ANKS1B: variants seen among roughly 807,000 people sequenced by gnomAD.
ANKS1B encodes ankyrin repeat and sterile alpha motif domain-containing protein 1B.
ANKS1B carries 36 observed loss-of-function variants against 148.3 expected under a neutral mutation model. The ratio of observed to expected loss-of-function variants is 0.24; its 90% confidence interval spans 0.19 to 0.32. The LOEUF is 0.32. ANKS1B is among the 10% of genes least tolerant of loss of function. ANKS1B has a pLI of 1.00. For missense variants in ANKS1B, 1,157 were observed against 1,542.6 expected (o/e 0.75, Z 4.19); for synonymous variants, 542 against 560.8 (o/e 0.97, Z 0.47).
At chr12:99,728,291 A>T (rs1286019775) in intron 8 of ANKS1B, among the ~76,000 whole-genome samples, 1 of 152,140 alleles carries the variant, frequency 6.6e-6, no homozygotes, top group Non-Finnish European at 1.5e-5. Flanking sequence ...AGAAAAAAAA[A>T]TCCCCATCAA....
chr12:99,788,508 C>T (rs2065242994), intron 4 of ANKS1B, among the ~76,000 whole-genome samples: 1 of 152,148 alleles, frequency 6.6e-6, no homozygotes, highest in Non-Finnish European at 1.5e-5. Flanking sequence ...CTGAGAAATG[C>T]TGGCTTCAAG....
chr12:99,874,022 C>CATATATATATATATATATAT lies in ANKS1B; in HGVS notation c.135-48634_135-48633insATATATATATATATATATAT, dbSNP rs150860727. Among the ~76,000 whole-genome samples the CATATATATATATATATATAT allele has an allele frequency of 1.5e-3, 202 of 137,872 alleles. 7 individuals are homozygous for CATATATATATATATATATAT. The highest frequency in any genetic ancestry group is 6.1e-3 in the African/African-American group (193 of 31,506). 90.4% of individuals were successfully genotyped at this position (137,872 alleles called of 152,430 possible). A position where few individuals can be genotyped will look rare whatever the true frequency, so the allele number is the denominator to read the frequency against. ...TAAATCTCTCTCTCTCTCTCTCTCA[C>CATATATATATATATATATAT]ATATATATATATATATATCCTGTTG... is the stretch of plus-strand genomic sequence containing the variant. On this transcript the variant is annotated intron_variant, in intron 1 of 26. Transcript: ENST00000683438.
chr12:99,436,646 C>A (rs2095465537), intron 11 of ANKS1B, among the ~76,000 whole-genome samples: 6 of 151,926 alleles, frequency 3.9e-5, no homozygotes, highest in Admixed American at 3.3e-4. Flanking sequence ...AACCCCAGTT[C>A]TAAACTGTTA....
chr12:99,153,328 G>A (rs2075418270), intron 15 of ANKS1B, among the ~76,000 whole-genome samples: 1 of 152,112 alleles, frequency 6.6e-6, no homozygotes, highest in Non-Finnish European at 1.5e-5. Context: ...TATTTAGGCA[G>A]GGCTATTACT....
At chr12:99,471,289 C>T (rs1511965) in intron 10 of ANKS1B, among the ~76,000 whole-genome samples, 1 of 151,574 alleles carries the variant, frequency 6.6e-6, no homozygotes. Flanking sequence ...TTGTTGTTAA[C>T]AAAATATTGC....
At chr12:99,811,384 TG>T (rs2068348772) in intron 3 of ANKS1B, among the ~76,000 whole-genome samples, 2 of 151,864 alleles carry the variant, frequency 1.3e-5, no homozygotes, top group South Asian at 2.1e-4. Flanking sequence ...GACTGTCTGC[TG>T]GTTTTCAAAT....
At chr12:99,959,336 C>G (rs1171385625) in intron 1 of ANKS1B, among the ~76,000 whole-genome samples, 2 of 151,130 alleles carry the variant, frequency 1.3e-5, no homozygotes, top group Non-Finnish European at 2.9e-5. Flanking sequence ...CTCAGCCTCC[C>G]AAAGTGATGG....
intron 12 of ANKS1B, among the ~76,000 whole-genome samples, chr12:99,348,505 T>C (rs560502934): frequency 2.8e-4 from 43 of 151,966 alleles, no homozygotes; most frequent in Middle Eastern, 3.4e-3. Context: ...AACTGACATA[T>C]TATAATCAAA....
chr12:99,441,969 A>AT (rs1287798454), intron 11 of ANKS1B, among the ~76,000 whole-genome samples: 1 of 151,998 alleles, frequency 6.6e-6, no homozygotes, highest in Non-Finnish European at 1.5e-5. Flanking sequence ...GAGAATCTAC[A>AT]TTGGTATAAA....
chr12:99,762,247 C>A lies in ANKS1B; in HGVS notation c.1128+10675G>T, dbSNP rs1304625235. On this transcript the variant is annotated intron_variant, in intron 8 of 26. Transcript: ENST00000683438. ...ACAAGCTCGAATAGCCAAAGTAATC[C>A]TAAAAGAATGAAGCCAGAGGCATCA... is the stretch of plus-strand genomic sequence containing the variant. 3.9e-5 allele frequency among the ~76,000 whole-genome samples: 6 copies of A among 151,920 alleles called. No individual in the cohort carries two copies. In the East Asian group the frequency reaches 1.2e-3, roughly 29 times the overall value.
chr12:99,740,341 CAA>C (rs71088147), intron 8 of ANKS1B, among the ~76,000 whole-genome samples: 75 of 151,636 alleles, frequency 4.9e-4, no homozygotes, highest in African/African-American at 1.8e-3. Context: ...AAACAAAAAA[CAA>C]AAAAACTAGT....
At chr12:99,121,318 G>GGGGTGTGTGTGT (rs796549235) in intron 15 of ANKS1B, among the ~76,000 whole-genome samples, 2,178 of 105,900 alleles carry the variant, frequency 0.021, 53 homozygotes, top group East Asian at 0.034. Flanking sequence ...TGTGTATGTA[G>GGGGTGTGTGTGT]GTATGTGTGT....
Position 99,111,535 on chromosome 12 carries a change from GT to G in ANKS1B, c.2527-26513del, listed in dbSNP as rs548939276. 4.8e-3 allele frequency among the ~76,000 whole-genome samples: 701 copies of G among 145,196 alleles called. 8 individuals carry two copies. The highest frequency in any genetic ancestry group is 0.014 in the African/African-American group (543 of 39,858). ...TATAAGCTAATGTGTATTTTAAGGT[GT>G]TTTTTTTTTTCATAGCCAATACCTA... On this transcript the variant is annotated intron_variant, in intron 15 of 26. Transcript: ENST00000683438.
chr12:98,785,503 A>C (rs141931999), intron 22 of ANKS1B, among the ~76,000 whole-genome samples: 2 of 152,300 alleles, frequency 1.3e-5, no homozygotes, highest in East Asian at 3.9e-4. Context: ...AAAAAAAGGC[A>C]AAGATCAAAG....
intron 12 of ANKS1B, among the ~76,000 whole-genome samples, chr12:99,255,351 AG>A (rs1260512314): frequency 1.3e-5 from 2 of 151,916 alleles, no homozygotes; most frequent in Non-Finnish European, 2.9e-5. Context: ...CTTTCCTAAT[AG>A]GTTTATTTGT....
At chr12:99,780,992 G>T (rs1319200603) in intron 5 of ANKS1B, among the ~76,000 whole-genome samples, 1 of 140,598 alleles carries the variant, frequency 7.1e-6, no homozygotes, top group Non-Finnish European at 1.5e-5. Context: ...TTGTAAGAAA[G>T]AACTTATTTT....
chr12:99,105,261 A>G (rs1359066883), intron 15 of ANKS1B, among the ~76,000 whole-genome samples: 2 of 152,302 alleles, frequency 1.3e-5, no homozygotes, highest in Non-Finnish European at 1.5e-5. Context: ...CTGCCCCCCA[A>G]GGACATGCAA....
intron 1 of ANKS1B, among the ~76,000 whole-genome samples, chr12:99,911,888 T>A (rs925585251): frequency 6.6e-6 from 1 of 152,154 alleles, no homozygotes; most frequent in Admixed American, 6.5e-5. Flanking sequence ...CACCTAAAAA[T>A]ATTAACAATA....
Position 99,053,252 on chromosome 12 carries a change from A to C in ANKS1B, c.2683T>G (p.Ser895Ala). The part of the protein sequence containing the change: ...HPTSVAEWLD[S>A]IELGDYTKAF... Reference sequence around the variant, plus strand: ...TTGGTGTAGTCGCCCAGTTCAATGGAATCCAGCCACTCAGCTACAGAGGTG... The same window carrying C: ...TTGGTGTAGTCGCCCAGTTCAATGGCATCCAGCCACTCAGCTACAGAGGTG... Residue 895 changes from serine to alanine, a missense_variant, in exon 17 of 27, where the codon TCC (serine) becomes GCC (alanine). Physicochemically the swap from Ser to Ala is moderately conservative, Grantham distance 99. Around this residue, in one of 6 missense-constraint regions of ANKS1B, gnomAD observed 258 missense variants for 497.0 expected, o/e 0.52. Coordinates refer to ENST00000683438, the MANE Select transcript of ANKS1B (RefSeq NM_001352186.2). 1 of 1,611,826 alleles carries C rather than the reference A, an allele frequency of 6.2e-7. No homozygotes were observed. Among genetic ancestry groups the C allele is most frequent in the Non-Finnish European group, 8.5e-7 (1 of 1,178,986 alleles).
Sources: gnomAD v4.1 joint callset for allele counts (sites outside exome capture counted in the v4.1 genomes callset) on GRCh38, gnomAD v4.1.1 for gene constraint, gnomAD v4.1.1 regional missense constraint, MANE v1.5 for transcripts, NCBI Gene and HGNC (gene_info 2026-07-23, HGNC 2026-07-21) for gene names.